The following SLC39A11 variants were observed in gnomAD, a reference collection of about 807,000 sequenced individuals.
The protein encoded by SLC39A11 is zinc transporter ZIP11.
Under a neutral mutation model 36.1 loss-of-function variants are expected in SLC39A11, and 33 were observed. That is an observed-to-expected ratio of 0.91 (90% CI 0.69 to 1.22). The LOEUF is 1.22. SLC39A11 is among the 50% of genes most tolerant of loss of function. SLC39A11 has a pLI of 0.00. For missense variants in SLC39A11, 432 were observed against 430.3 expected (o/e 1.00, Z -0.03); for synonymous variants, 166 against 170.3 (o/e 0.97, Z 0.20).
chr17:73,005,416 C>G (rs769452303), intron 4 of SLC39A11, among the ~76,000 whole-genome samples: 3 of 152,192 alleles, frequency 2.0e-5, no homozygotes, highest in Admixed American at 6.5e-5. Flanking sequence ...GCATGCCTGA[C>G]TGTGTGTCTG....
chr17:72,731,662 T>C (rs2074221851), intron 7 of SLC39A11, among the ~76,000 whole-genome samples: 1 of 152,086 alleles, frequency 6.6e-6, no homozygotes, highest in Non-Finnish European at 1.5e-5. Context: ...GCATCTCACT[T>C]TGGATGGAAC....
At chr17:72,682,066 T>C (rs1229250137) in intron 7 of SLC39A11, among the ~76,000 whole-genome samples, 1 of 151,926 alleles carries the variant, frequency 6.6e-6, no homozygotes, top group Non-Finnish European at 1.5e-5. Context: ...AGCATTAGAC[T>C]CTCAGAGGAG....
intron 5 of SLC39A11, among the ~76,000 whole-genome samples, chr17:72,904,260 G>A (rs1393522032): frequency 6.6e-6 from 1 of 152,122 alleles, no homozygotes; most frequent in Non-Finnish European, 1.5e-5. Flanking sequence ...GGACAACACA[G>A]TGAGACTCTA....
At chr17:72,992,365 C>T (rs2089236341) in intron 4 of SLC39A11, among the ~76,000 whole-genome samples, 1 of 151,920 alleles carries the variant, frequency 6.6e-6, no homozygotes, top group African/African-American at 2.4e-5. Flanking sequence ...AAAAAACGAA[C>T]AAAAAAAGAA....
chr17:72,806,101 G>C (rs1212101989), intron 6 of SLC39A11, among the ~76,000 whole-genome samples: 2 of 152,092 alleles, frequency 1.3e-5, no homozygotes, highest in Non-Finnish European at 2.9e-5. Context: ...GGGAAACGAA[G>C]AGAGACCTGT....
intron 7 of SLC39A11, among the ~76,000 whole-genome samples, chr17:72,703,489 T>G (rs1205971729): frequency 6.6e-6 from 1 of 151,940 alleles, no homozygotes; most frequent in Non-Finnish European, 1.5e-5. Context: ...ACATGGGGGG[T>G]TGGGGGGCGA....
At chr17:72,695,024 C>A (rs2072223619) in intron 7 of SLC39A11, among the ~76,000 whole-genome samples, 1 of 152,204 alleles carries the variant, frequency 6.6e-6, no homozygotes. Flanking sequence ...CTTTAAGAAG[C>A]AGCTGCCCCT....
At chr17:73,068,143 G>T in intron 3 of SLC39A11, 1 of 1,316,486 alleles carries the variant, frequency 7.6e-7, no homozygotes, top group Non-Finnish European at 1.1e-6. Flanking sequence ...TCTTGGTGTC[G>T]CCAGCAGGTT....
intron 6 of SLC39A11, among the ~76,000 whole-genome samples, chr17:72,802,702 G>C (rs2077129353): frequency 6.6e-6 from 1 of 152,112 alleles, no homozygotes; most frequent in Non-Finnish European, 1.5e-5. Context: ...GGGGCGTGGT[G>C]GGGAATAGGG....
chr17:72,846,157 G>A (rs1399245696), intron 6 of SLC39A11, among the ~76,000 whole-genome samples: 1 of 150,546 alleles, frequency 6.6e-6, no homozygotes, highest in Non-Finnish European at 1.5e-5. Context: ...AGCCTCCCAA[G>A]TAGCTGGGAT....
intron 5 of SLC39A11, among the ~76,000 whole-genome samples, chr17:72,866,166 C>T (rs1007517724): frequency 2.0e-5 from 3 of 152,180 alleles, no homozygotes; most frequent in African/African-American, 7.2e-5. Context: ...CACCTAAGCT[C>T]CACCTCCCGT....
intron 6 of SLC39A11, among the ~76,000 whole-genome samples, chr17:72,812,721 G>A (rs1234721133): frequency 6.6e-6 from 1 of 152,184 alleles, no homozygotes; most frequent in Non-Finnish European, 1.5e-5. Context: ...AACATTCTAT[G>A]ATATATGGAT....
chr17:73,044,602 G>A (rs2059211761), intron 3 of SLC39A11, among the ~76,000 whole-genome samples: 1 of 152,156 alleles, frequency 6.6e-6, no homozygotes, highest in Admixed American at 6.5e-5. Context: ...AGCTGGACAT[G>A]GTGGCTCATG....
chr17:72,781,041 C>T (rs2076300050), intron 6 of SLC39A11, among the ~76,000 whole-genome samples: 1 of 152,172 alleles, frequency 6.6e-6, no homozygotes, highest in African/African-American at 2.4e-5. Flanking sequence ...TTACAGTCCA[C>T]ACTCATCATC....
At chr17:72,678,748 C>T (rs4793476) in intron 7 of SLC39A11, among the ~76,000 whole-genome samples, 72,757 of 151,406 alleles carry the variant, frequency 0.48, 17,664 homozygotes, top group Admixed American at 0.53. Context: ...AATCATGAAG[C>T]AGTTTAGGGA....
intron 4 of SLC39A11, among the ~76,000 whole-genome samples, chr17:72,986,126 A>G (rs945255432): frequency 6.6e-5 from 10 of 152,194 alleles, no homozygotes; most frequent in African/African-American, 2.4e-4. Flanking sequence ...AGCCTCTAGA[A>G]CTGAGACAAT....
At chr17:72,879,458 T>C (rs1410440327) in intron 5 of SLC39A11, among the ~76,000 whole-genome samples, 2 of 152,230 alleles carry the variant, frequency 1.3e-5, no homozygotes, top group Non-Finnish European at 2.9e-5. Context: ...GGAAAACCAA[T>C]TATATATTTC....
At chr17:72,678,859 C>T (rs1355079903) in intron 7 of SLC39A11, among the ~76,000 whole-genome samples, 1 of 152,074 alleles carries the variant, frequency 6.6e-6, no homozygotes, top group Non-Finnish European at 1.5e-5. Context: ...AGAGCCAAGA[C>T]AGGGAGTCAA....
intron 6 of SLC39A11, among the ~76,000 whole-genome samples, chr17:72,743,119 G>A (rs184937910): frequency 6.6e-6 from 1 of 152,340 alleles, no homozygotes; most frequent in East Asian, 1.9e-4. Context: ...AATGCTCACA[G>A]CAGCTTTGGG....
Sources: allele counts gnomAD v4.1 joint callset (sites outside exome capture counted in the v4.1 genomes callset), GRCh38; gene constraint gnomAD v4.1.1; transcripts MANE v1.5; gene names NCBI Gene and HGNC (gene_info 2026-07-23, HGNC 2026-07-21).